Variants in LRRC4C observed in about 807,000 individuals in gnomAD.
LRRC4C encodes leucine-rich repeat-containing protein 4C.
In LRRC4C, 5 loss-of-function variants were observed where a neutral mutation model predicts 33.6. The observed-to-expected ratio is 0.15, with a 90% CI of 0.08 to 0.31. LRRC4C has a LOEUF of 0.31. Among genes scored for constraint, LRRC4C ranks in the 10% least tolerant of loss-of-function variants. The pLI is 1.00. For synonymous variants in LRRC4C, 329 were observed against 302.0 expected (o/e 1.09, Z -0.93); for missense variants, 560 against 796.7 (o/e 0.70, Z 3.58).
chr11:41,054,755 G>C (rs1704101331), intron 1 of LRRC4C, among the ~76,000 whole-genome samples: 2 of 152,162 alleles, frequency 1.3e-5, no homozygotes, highest in South Asian at 4.1e-4. Flanking sequence ...GCTGTGGAAA[G>C]ATAAGTGTGG....
At chr11:40,965,334 T>G (rs904477910) in intron 1 of LRRC4C, among the ~76,000 whole-genome samples, 1 of 152,180 alleles carries the variant, frequency 6.6e-6, no homozygotes, top group African/African-American at 2.4e-5. Flanking sequence ...TTCACTCTGA[T>G]GGTGGTTTCT....
At chr11:40,593,735 G>A (rs886215438) in intron 3 of LRRC4C, among the ~76,000 whole-genome samples, 4 of 152,072 alleles carry the variant, frequency 2.6e-5, no homozygotes, top group South Asian at 2.1e-4. Context: ...AACTGCATAG[G>A]GATGAATTTC....
intron 3 of LRRC4C, among the ~76,000 whole-genome samples, chr11:40,639,314 C>T (rs760994592): frequency 8.5e-5 from 13 of 152,330 alleles, no homozygotes; most frequent in South Asian, 6.2e-4. Context: ...CACTGGCCTG[C>T]ACCAGCCTGT....
intron 1 of LRRC4C, among the ~76,000 whole-genome samples, chr11:41,049,587 T>C (rs1239142315): frequency 1.3e-5 from 2 of 152,276 alleles, no homozygotes; most frequent in East Asian, 1.9e-4. Context: ...AGTTATGATA[T>C]TAATCTAGGG....
intron 2 of LRRC4C, among the ~76,000 whole-genome samples, chr11:40,696,966 T>C (rs1945596169): frequency 6.6e-6 from 1 of 151,932 alleles, no homozygotes; most frequent in Admixed American, 6.6e-5. Flanking sequence ...CGATGATTCA[T>C]TAACTTCTTA....
chr11:41,108,278 T>G (rs1486131067), intron 1 of LRRC4C, among the ~76,000 whole-genome samples: 1 of 152,120 alleles, frequency 6.6e-6, no homozygotes, highest in Non-Finnish European at 1.5e-5. Flanking sequence ...TTTTCACTTG[T>G]CATGTAGTAT....
At chr11:40,405,704 T>C (rs1317973344) in intron 3 of LRRC4C, among the ~76,000 whole-genome samples, 2 of 148,480 alleles carry the variant, frequency 1.3e-5, no homozygotes, top group African/African-American at 2.5e-5. Flanking sequence ...AATTTCTTTT[T>C]GAGGAACTTA....
intron 1 of LRRC4C, among the ~76,000 whole-genome samples, chr11:41,177,172 T>C (rs1402205126): frequency 6.6e-6 from 1 of 152,142 alleles, no homozygotes; most frequent in Non-Finnish European, 1.5e-5. Context: ...ATGTCTGGCA[T>C]ATTTGACTTA....
At chr11:41,099,882 GAA>G (rs2135599557) in intron 1 of LRRC4C, among the ~76,000 whole-genome samples, 1 of 152,218 alleles carries the variant, frequency 6.6e-6, no homozygotes, top group South Asian at 2.1e-4. Context: ...CAAATAGGAA[GAA>G]AGGATGTCAA....
intron 2 of LRRC4C, among the ~76,000 whole-genome samples, chr11:40,804,250 A>G (rs1951157575): frequency 6.6e-6 from 1 of 152,262 alleles, no homozygotes; most frequent in East Asian, 1.9e-4. Flanking sequence ...CCATTTGCTT[A>G]CAAATTTGAT....
At chr11:40,436,671 A>C (rs1433110166) in intron 3 of LRRC4C, among the ~76,000 whole-genome samples, 1 of 152,194 alleles carries the variant, frequency 6.6e-6, no homozygotes, top group East Asian at 1.9e-4. Flanking sequence ...TCAAGGCTTG[A>C]ATGGGAAGAG....
At chr11:40,496,227 G>A (rs917063353) in intron 3 of LRRC4C, among the ~76,000 whole-genome samples, 1 of 151,962 alleles carries the variant, frequency 6.6e-6, no homozygotes, top group Non-Finnish European at 1.5e-5. Flanking sequence ...AATTATTTTA[G>A]ATTTGGTTAC....
intron 1 of LRRC4C, among the ~76,000 whole-genome samples, chr11:41,164,218 T>C (rs1288132775): frequency 6.6e-6 from 1 of 151,332 alleles, no homozygotes; most frequent in Non-Finnish European, 1.5e-5. Context: ...TTTAAAATTT[T>C]TTCTTAACTA....
rs1360837727 is a variant in LRRC4C, at chr11:40,798,115, A to C, written c.-407+135520T>G. On this transcript the variant is annotated intron_variant, in intron 2 of 6. Coordinates refer to ENST00000528697, the MANE Select transcript of LRRC4C (RefSeq NM_001258419.2). ...CCCTTACTTGAAAGAGTCCCTGTTCATTAGACAAAGGGCTGGAGCAGAGGT... is the reference window on the plus strand; with the variant it reads ...CCCTTACTTGAAAGAGTCCCTGTTCCTTAGACAAAGGGCTGGAGCAGAGGT... Among the ~76,000 whole-genome samples, 3 of 152,336 alleles carry C rather than the reference A, an allele frequency of 2.0e-5. No homozygotes were observed. In the East Asian group the frequency reaches 5.8e-4, roughly 29 times the overall value.
chr11:40,632,789 G>T (rs1298788878), intron 3 of LRRC4C, among the ~76,000 whole-genome samples: 2 of 152,098 alleles, frequency 1.3e-5, no homozygotes, highest in African/African-American at 4.8e-5. Flanking sequence ...GTGCTTGCTG[G>T]TTTTTCTCTA....
At chr11:41,178,529 C>CG (rs1945305260) in intron 1 of LRRC4C, among the ~76,000 whole-genome samples, 1 of 151,656 alleles carries the variant, frequency 6.6e-6, no homozygotes, top group Non-Finnish European at 1.5e-5. Flanking sequence ...AATTTTTGTA[C>CG]TTTTTTTTGT....
At chr11:40,375,171 CT>C (rs1948608250) in intron 3 of LRRC4C, among the ~76,000 whole-genome samples, 1 of 152,080 alleles carries the variant, frequency 6.6e-6, no homozygotes. Context: ...CTGTAACACA[CT>C]TTTTGTTTTA....
intron 3 of LRRC4C, among the ~76,000 whole-genome samples, chr11:40,468,061 C>G (rs1952740433): frequency 1.3e-5 from 2 of 152,076 alleles, no homozygotes; most frequent in African/African-American, 4.8e-5. Flanking sequence ...GTTTAATAGG[C>G]AATGCAGTTG....
At chr11:40,512,386 A>AAAACAAAAAC (rs1565461369) in intron 3 of LRRC4C, among the ~76,000 whole-genome samples, 1 of 151,982 alleles carries the variant, frequency 6.6e-6, no homozygotes, top group Non-Finnish European at 1.5e-5. Flanking sequence ...AACAAAAACA[A>AAAACAAAAAC]AAACAAACAA....
Sources: allele counts gnomAD v4.1 joint callset (sites outside exome capture counted in the v4.1 genomes callset), GRCh38; gene constraint gnomAD v4.1.1; transcripts MANE v1.5; gene names NCBI Gene and HGNC (gene_info 2026-07-23, HGNC 2026-07-21).